The following NFASC variants were observed in gnomAD, a reference collection of about 807,000 sequenced individuals.
NFASC encodes the protein neurofascin homolog.
A neutral mutation model predicts 147.5 loss-of-function variants in NFASC; 43 were observed. The observed-to-expected ratio is 0.29, with a 90% CI of 0.23 to 0.38. NFASC has a LOEUF of 0.38. Ranked by LOEUF, NFASC falls within the 10% of genes least tolerant of loss-of-function variation. The pLI is 1.00. For missense variants in NFASC, 1,320 were observed against 1,689.0 expected (o/e 0.78, Z 3.83); for synonymous variants, 622 against 665.5 (o/e 0.93, Z 1.01).
At chr1:204,920,984 A>T (rs1381228267) in intron 2 of NFASC, among the ~76,000 whole-genome samples, 6 of 152,202 alleles carry the variant, frequency 3.9e-5, no homozygotes, top group Non-Finnish European at 7.3e-5. Flanking sequence ...TGGCAGGGAC[A>T]GTCAGCCAAC....
intron 1 of NFASC, among the ~76,000 whole-genome samples, chr1:204,830,589 G>A (rs1465488948): frequency 6.7e-6 from 1 of 149,976 alleles, no homozygotes; most frequent in Non-Finnish European, 1.5e-5. Flanking sequence ...TGTGTGTGTT[G>A]TGATGTGTGT....
Position 205,016,186 on chromosome 1 carries a change from C to CG in NFASC, c.3492-117dup. The stretch of plus-strand genomic sequence containing the variant: ...GCAGGCTGGACAGGGGAGGGTGAAG[C>CG]GGGGGCTGGACTGGGCGGTCTCCTG... On this transcript the variant is annotated intron_variant, in intron 29 of 29. Coordinates refer to ENST00000339876, the MANE Select transcript of NFASC (RefSeq NM_001005388.3). This position sits in a 1 kb window ranked among gnomAD's most constrained non-coding sequence, Gnocchi z 5.1. 2.8e-6 allele frequency: 2 copies of CG among 715,972 alleles called. No individual in the cohort carries two copies. The highest frequency in any genetic ancestry group is 5.0e-6 in the Non-Finnish European group (2 of 401,136). The allele number at this position is 715,972 out of a possible 1,614,324, so 44.4% of individuals were successfully genotyped here.
chr1:204,994,520 G>A (rs536902621), intron 24 of NFASC, among the ~76,000 whole-genome samples: 3 of 152,330 alleles, frequency 2.0e-5, no homozygotes, highest in Admixed American at 6.5e-5. Flanking sequence ...ATGAGAGAGT[G>A]TAAAGCTTTG....
chr1:204,962,487 G>C (rs1200488217), intron 8 of NFASC, among the ~76,000 whole-genome samples: 2 of 152,228 alleles, frequency 1.3e-5, no homozygotes, highest in Non-Finnish European at 2.9e-5. Flanking sequence ...AATGGATGAA[G>C]GGAGACTATC....
intron 1 of NFASC, among the ~76,000 whole-genome samples, chr1:204,889,900 C>G (rs1398705586): frequency 1.3e-5 from 2 of 152,244 alleles, no homozygotes; most frequent in Admixed American, 6.5e-5. Context: ...TCCACCTTAT[C>G]ACAGCACCAT....
chr1:204,923,604 C>T (rs2090953814), intron 2 of NFASC, among the ~76,000 whole-genome samples: 1 of 152,156 alleles, frequency 6.6e-6, no homozygotes, highest in Admixed American at 6.6e-5. Context: ...ACACAGGCCC[C>T]CTTGGACAGC....
chr1:204,944,642 C>T (rs1376184936), intron 3 of NFASC: 1 of 497,948 alleles, frequency 2.0e-6, no homozygotes, highest in East Asian at 3.4e-5. Flanking sequence ...TGAGCTGATG[C>T]TTGGGGTGCC....
chr1:205,016,192 C>T lies in NFASC; in HGVS notation c.3492-116C>T. 1.4e-6 allele frequency: 1 copy of T among 737,614 alleles called. No individual in the cohort carries two copies. Among genetic ancestry groups the T allele is most frequent in the Non-Finnish European group, 2.4e-6 (1 of 415,766 alleles). 45.7% of individuals were successfully genotyped at this position (737,614 alleles called of 1,614,324 possible). Reference sequence around the variant, plus strand: ...TGGACAGGGGAGGGTGAAGCGGGGGCTGGACTGGGCGGTCTCCTGGATCCC... The same window carrying T: ...TGGACAGGGGAGGGTGAAGCGGGGGTTGGACTGGGCGGTCTCCTGGATCCC... On this transcript the variant is annotated intron_variant, in intron 29 of 29. Transcript: ENST00000339876. The surrounding 1 kb of genome is among the most constrained non-coding windows in gnomAD (Gnocchi z 5.1).
At chr1:204,956,818 C>G (rs7516408) in intron 7 of NFASC, among the ~76,000 whole-genome samples, 1 of 151,820 alleles carries the variant, frequency 6.6e-6, no homozygotes, top group Non-Finnish European at 1.5e-5. Context: ...AGGAAGGAGA[C>G]AGCTGTGAGT....
In NFASC at chr1:204,997,347, C is replaced by T. The variant is rs374663334; in HGVS notation, c.2960C>T (p.Ala987Val). 9.4e-5 allele frequency: 147 copies of T among 1,558,484 alleles called. No homozygotes were observed. Among genetic ancestry groups the T allele is most frequent in the East Asian group, 2.9e-4 (12 of 41,040 alleles). The change falls in exon 25 of 30, where the codon GCC (alanine) becomes GTC (valine). Residue 987 changes from alanine to valine, a missense_variant. Physicochemically the swap from Ala to Val is moderately conservative, Grantham distance 64 (BLOSUM62 0). Coordinates refer to ENST00000339876, the MANE Select transcript of NFASC (RefSeq NM_001005388.3). Reference protein sequence around the residue: ...VATTTTTTAAATTTTESPPTT... With the variant: ...VATTTTTTAAVTTTTESPPTT... Reference sequence around the variant, plus strand: ...ACAACTACTACAACCACTGCTGCCGCCACCACCACCACGGAGAGTCCTCCC... The same window carrying T: ...ACAACTACTACAACCACTGCTGCCGTCACCACCACCACGGAGAGTCCTCCC...
intron 3 of NFASC, chr1:204,948,600 CAAAAA>C (rs747310367): frequency 5.8e-6 from 3 of 513,158 alleles, no homozygotes; most frequent in Non-Finnish European, 1.2e-5. Context: ...CAAAACAAAA[CAAAAA>C]ACTCTGGACC....
chr1:204,887,841 G>T (rs917162600), intron 1 of NFASC, among the ~76,000 whole-genome samples: 1 of 151,992 alleles, frequency 6.6e-6, no homozygotes, highest in African/African-American at 2.4e-5. Flanking sequence ...CAAGCAATCA[G>T]CCCGCCTTGG....
At chr1:204,886,284 T>C (rs2148958502) in intron 1 of NFASC, among the ~76,000 whole-genome samples, 1 of 152,338 alleles carries the variant, frequency 6.6e-6, no homozygotes, top group South Asian at 2.1e-4. Flanking sequence ...ACAGCACTCA[T>C]TTGGACTTTT....
intron 28 of NFASC, among the ~76,000 whole-genome samples, chr1:205,012,378 G>A (rs987541553): frequency 6.6e-6 from 1 of 152,220 alleles, no homozygotes; most frequent in Admixed American, 6.5e-5. Flanking sequence ...CTTGAGGAAA[G>A]AACTAGCCTT....
At chr1:204,867,409 C>CA (rs1191659314) in intron 1 of NFASC, among the ~76,000 whole-genome samples, 8 of 146,810 alleles carry the variant, frequency 5.4e-5, no homozygotes, top group African/African-American at 2.0e-4. Flanking sequence ...TCAGAACTCA[C>CA]CACACACACA....
chr1:204,964,870 G>A (rs2094863704), intron 8 of NFASC, among the ~76,000 whole-genome samples: 1 of 152,172 alleles, frequency 6.6e-6, no homozygotes, highest in South Asian at 2.1e-4. Flanking sequence ...GGCAACTAAG[G>A]TTGTCAGGAG....
intron 3 of NFASC, chr1:204,946,830 C>T: frequency 2.0e-6 from 1 of 496,726 alleles, no homozygotes. Context: ...CCCCACGGGG[C>T]ATGCTACCCC....
At chr1:204,884,628 C>A (rs111717686) in intron 1 of NFASC, among the ~76,000 whole-genome samples, 1 of 152,134 alleles carries the variant, frequency 6.6e-6, no homozygotes, top group African/African-American at 2.4e-5. Context: ...ACTTACTTAG[C>A]CTTTGTGAGC....
Position 204,957,597 on chromosome 1 carries a change from G to A in NFASC, c.536-59G>A, listed in dbSNP as rs554177651. ...TAAAGTGTTCTGTCGCCAGGACTGC[G>A]GTGGTGATGATTACTGTTATTACTA... On this transcript the variant is annotated intron_variant, in intron 7 of 29. Coordinates refer to ENST00000339876, the MANE Select transcript of NFASC (RefSeq NM_001005388.3). 2.0e-4 allele frequency: 312 copies of A among 1,530,058 alleles called. 3 individuals carry two copies. In the South Asian group the frequency reaches 2.6e-3, roughly 13 times the overall value. 94.8% of individuals were successfully genotyped at this position (1,530,058 alleles called of 1,614,324 possible).
Sources: allele counts gnomAD v4.1 joint callset (sites outside exome capture counted in the v4.1 genomes callset), GRCh38; gene constraint gnomAD v4.1.1; non-coding constraint Gnocchi (gnomAD v3.1); transcripts MANE v1.5; gene names NCBI Gene and HGNC (gene_info 2026-07-23, HGNC 2026-07-21).